The following ADAMTS2 variants were observed in gnomAD, a reference collection of about 807,000 sequenced individuals.
The protein encoded by ADAMTS2 is A disintegrin and metalloproteinase with thrombospondin motifs 2.
In ADAMTS2, 50 loss-of-function variants were observed where a neutral mutation model predicts 123.0. That is an observed-to-expected ratio of 0.41 (90% CI 0.32 to 0.51). The LOEUF is 0.51. Among genes scored for constraint, ADAMTS2 ranks in the 20% least tolerant of loss-of-function variants. The probability of loss-of-function intolerance (pLI) is 0.35; values close to 1 mark genes in which losing one functional copy is unlikely to be tolerated. For synonymous variants in ADAMTS2, 678 were observed against 695.4 expected, an observed-to-expected ratio of 0.98 and a Z score of 0.39; for missense variants, 1,494 against 1,705.2, an observed-to-expected ratio of 0.88 and a Z score of 2.18.
chr5:179,285,411 C>T lies in ADAMTS2; in HGVS notation c.535-12347G>A, dbSNP rs371426912. 2.6e-5 allele frequency among the ~76,000 whole-genome samples: 4 copies of T among 152,238 alleles called. No individual in the cohort carries two copies. The highest frequency in any genetic ancestry group is 1.9e-4 in the East Asian group (1 of 5,196). ...GGCGGCCTTCTGCTAAATCAAGCAACGCTTGAGTGGCTCCCTCGGGACCTG... is the reference window on the plus strand; with the variant it reads ...GGCGGCCTTCTGCTAAATCAAGCAATGCTTGAGTGGCTCCCTCGGGACCTG... On this transcript the variant is annotated intron_variant, in intron 2 of 21. Transcript: ENST00000251582. The surrounding 1 kb of genome is among the most constrained non-coding windows in gnomAD (Gnocchi z 4.9).
At chr5:179,326,205 T>C (rs896296400) in intron 2 of ADAMTS2, among the ~76,000 whole-genome samples, 12 of 135,164 alleles carry the variant, frequency 8.9e-5, no homozygotes, top group African/African-American at 8.6e-5. Flanking sequence ...TGTGTGCGTG[T>C]GTGTGTGTGT....
chr5:179,169,757 A>G (rs994218500), intron 5 of ADAMTS2, among the ~76,000 whole-genome samples: 1 of 152,012 alleles, frequency 6.6e-6, no homozygotes, highest in African/African-American at 2.4e-5. Flanking sequence ...CCAAGCCCCC[A>G]CCCCCAGCAC....
At chr5:179,291,715 A>G (rs1364132403) in intron 2 of ADAMTS2, among the ~76,000 whole-genome samples, 4 of 151,954 alleles carry the variant, frequency 2.6e-5, no homozygotes, top group Non-Finnish European at 4.4e-5. Flanking sequence ...TCCCTTCGCT[A>G]TAAAGGTCCA....
At position 179,119,714 on chromosome 5, in the gene ADAMTS2, C is replaced by T. The variant is rs116698410; in HGVS notation, c.3178+1947G>A. ...CCTTCCTGGACGAGTAGCCCAAGGCCGAGAACTGTGCCTGGAGCCAGGGTA... is the reference window on the plus strand; with the variant it reads ...CCTTCCTGGACGAGTAGCCCAAGGCTGAGAACTGTGCCTGGAGCCAGGGTA... On this transcript the variant is annotated intron_variant, in intron 21 of 21. Transcript: ENST00000251582. Among the ~76,000 whole-genome samples the T allele has an allele frequency of 8.3e-3, 1,259 of 152,310 alleles. 15 individuals are homozygous for T. The highest frequency in any genetic ancestry group is 0.029 in the African/African-American group (1,197 of 41,560).
rs377046696 is a variant in ADAMTS2 at position 179,332,611 on chromosome 5, CA to C, written c.534+11155del. ...GTACCTCAGTCTGTGACCCAACCTG[CA>C]TTGCCCCAGAAGCCCAGACCTCAGC... On this transcript the variant is annotated intron_variant, in intron 2 of 21. Coordinates refer to ENST00000251582, the MANE Select transcript of ADAMTS2 (RefSeq NM_014244.5). This position sits in a 1 kb window ranked among gnomAD's most constrained non-coding sequence, Gnocchi z 4.2. 1.3e-3 allele frequency among the ~76,000 whole-genome samples: 204 copies of C among 151,890 alleles called. 1 individual carries two copies. In the Middle Eastern group the frequency reaches 0.017, roughly 13 times the overall value.
chr5:179,253,469 C>T (rs1765972549), intron 3 of ADAMTS2, among the ~76,000 whole-genome samples: 1 of 152,104 alleles, frequency 6.6e-6, no homozygotes, highest in South Asian at 2.1e-4. Context: ...CAGGGTGACA[C>T]CCCATCTCTA....
chr5:179,184,114 C>G (rs1343928743), intron 4 of ADAMTS2, among the ~76,000 whole-genome samples: 2 of 152,160 alleles, frequency 1.3e-5, no homozygotes, highest in African/African-American at 4.8e-5. Context: ...GAGACAAAGG[C>G]TTTATGGGGA....
In ADAMTS2 at chr5:179,222,921, TC is replaced by T. The variant is rs571847084; in HGVS notation, c.689-15207del. The stretch of plus-strand genomic sequence containing the variant: ...GGAGCACCCTCCCCAGAGCACCCAG[TC>T]CTGTTGCCACTTTCTGCCAGGCAAC... On this transcript the variant is annotated intron_variant, in intron 3 of 21. Transcript: ENST00000251582. 4.6e-5 allele frequency among the ~76,000 whole-genome samples: 7 copies of T among 152,318 alleles called. No homozygotes were observed. The South Asian group carries it at 1.4e-3, about 32-fold the overall frequency.
chr5:179,278,546 T>C (rs1009872453), intron 2 of ADAMTS2, among the ~76,000 whole-genome samples: 4 of 152,102 alleles, frequency 2.6e-5, no homozygotes, highest in Admixed American at 6.5e-5. Flanking sequence ...AAGCACTCAG[T>C]TGGGAGCCTG....
intron 10 of ADAMTS2, among the ~76,000 whole-genome samples, chr5:179,141,344 A>G (rs1763166669): frequency 6.6e-6 from 1 of 152,194 alleles, no homozygotes; most frequent in Non-Finnish European, 1.5e-5. Flanking sequence ...AAGCAGCTAT[A>G]GACAACCTAT....
intron 2 of ADAMTS2, among the ~76,000 whole-genome samples, chr5:179,331,229 G>A (rs1757467427): frequency 6.7e-6 from 1 of 149,672 alleles, no homozygotes; most frequent in Non-Finnish European, 1.5e-5. Context: ...GGAAAGAAAG[G>A]TGGGAACGGG....
intron 4 of ADAMTS2, among the ~76,000 whole-genome samples, chr5:179,186,758 C>T (rs1309567011): frequency 2.6e-5 from 4 of 151,776 alleles, no homozygotes; most frequent in Admixed American, 1.3e-4. Context: ...ACATCCCCCT[C>T]CTCCCCCGGC....
Position 179,343,808 on chromosome 5 carries a change from C to T in ADAMTS2, c.493G>A (p.Ala165Thr). The change falls in exon 2 of 22, where the codon GCC (alanine) becomes ACC (threonine). Residue 165 changes from alanine (A) to threonine (T), a missense_variant. By Grantham distance (58) the Ala-to-Thr change is moderately conservative. Coordinates refer to ENST00000251582, the MANE Select transcript of ADAMTS2 (RefSeq NM_014244.5). ...CTGAGCGCCACAGAGGAGGCTTCGG[C>T]TAGGCCGGCCACGTCTCCGACGTAG... ...CLYVGDVAGL[A>T]EASSVALSNC... 6.8e-6 allele frequency: 11 copies of T among 1,611,290 alleles called. No homozygotes were observed. Among genetic ancestry groups the T allele is most frequent in the Non-Finnish European group, 9.3e-6 (11 of 1,179,538 alleles).
At chr5:179,269,329 T>G (rs1447389579) in intron 3 of ADAMTS2, among the ~76,000 whole-genome samples, 1 of 152,186 alleles carries the variant, frequency 6.6e-6, no homozygotes. Flanking sequence ...ACAATGCTGA[T>G]AAAGACATAC....
intron 3 of ADAMTS2, among the ~76,000 whole-genome samples, chr5:179,230,556 A>G (rs1292449156): frequency 3.3e-5 from 5 of 152,198 alleles, no homozygotes; most frequent in Non-Finnish European, 5.9e-5. Flanking sequence ...ACTTGGGTCC[A>G]GTTACTGTCA....
intron 3 of ADAMTS2, among the ~76,000 whole-genome samples, chr5:179,236,461 A>G (rs1030272586): frequency 6.6e-6 from 1 of 152,170 alleles, no homozygotes; most frequent in Non-Finnish European, 1.5e-5. Context: ...AAGGTGGGGA[A>G]CAAGAATGAG....
chr5:179,142,103 T>G (rs1247257619), intron 10 of ADAMTS2, among the ~76,000 whole-genome samples: 1 of 152,098 alleles, frequency 6.6e-6, no homozygotes, highest in Non-Finnish European at 1.5e-5. Context: ...AACAGAAGGC[T>G]TCACAGCTCT....
intron 4 of ADAMTS2, among the ~76,000 whole-genome samples, chr5:179,187,270 C>A (rs1025987045): frequency 6.6e-6 from 1 of 152,200 alleles, no homozygotes; most frequent in Non-Finnish European, 1.5e-5. Flanking sequence ...GGCATGAGAC[C>A]GCAGTTCCTG....
At chr5:179,293,646 C>T (rs78509577) in intron 2 of ADAMTS2, among the ~76,000 whole-genome samples, 22,271 of 152,146 alleles carry the variant, frequency 0.15, 2,651 homozygotes, top group African/African-American at 0.31. Flanking sequence ...TGGAGTCTTG[C>T]TCTGTCGCCT....
Sources: allele counts gnomAD v4.1 joint callset (sites outside exome capture counted in the v4.1 genomes callset), GRCh38; gene constraint gnomAD v4.1.1; non-coding constraint Gnocchi (gnomAD v3.1); transcripts MANE v1.5; gene names NCBI Gene and HGNC (gene_info 2026-07-23, HGNC 2026-07-21).